Variants in F5 observed in about 807,000 individuals in gnomAD.
The protein encoded by F5 is coagulation factor V, also known as activated protein c cofactor.
In F5, 138 loss-of-function variants were observed where a neutral mutation model predicts 216.4. The observed-to-expected ratio is 0.64, with a 90% CI of 0.56 to 0.73. F5 has a LOEUF of 0.73. Ranked by LOEUF, F5 falls within the 30% of genes least tolerant of loss-of-function variation. The probability of loss-of-function intolerance (pLI) is 0.00; values close to 1 mark genes in which losing one functional copy is unlikely to be tolerated. For missense variants in F5, 2,403 were observed against 2,674.0 expected, an observed-to-expected ratio of 0.90 and a Z score of 2.24; for synonymous variants, 916 against 930.7, an observed-to-expected ratio of 0.98 and a Z score of 0.29.
chr1:169,586,155 CA>C, intron 1 of F5, 73 bp downstream of exon 1: 1 of 1,558,906 alleles, frequency 6.4e-7, no homozygotes, highest in Non-Finnish European at 8.8e-7. Flanking sequence ...CATGACATTG[CA>C]AAGGGAATGT....
chr1:169,531,246 C>T (rs1460164649), intron 14 of F5, among the ~76,000 whole-genome samples: 2 of 147,412 alleles, frequency 1.4e-5, no homozygotes, highest in African/African-American at 5.4e-5. Context: ...TTCTTAGGCT[C>T]AAGGCTAAAG....
At chr1:169,552,777 G>A (rs779512584) in intron 7 of F5, 43 bp from the exon 8 acceptor site, 4 of 1,431,194 alleles carry the variant, frequency 2.8e-6, no homozygotes, top group Non-Finnish European at 2.0e-6. Flanking sequence ...TTCTCAAATA[G>A]AGATCTCGGT....
chr1:169,542,624 A>G lies in F5; in HGVS notation c.2466T>C (p.Ser822=). The change falls in exon 13 of 25, where the codon TCT becomes TCC. Residue 822 remains serine, a synonymous_variant. Transcript: ENST00000367797. ...HLIGKNSVLN[S]STAEHSSPYS... is the part of the protein sequence containing the mutation. ...ATGGGCTGGAATGCTCTGCTGTGGA[A>G]GAATTGAGAACTGAGTTCTTGCCAA... 6.2e-7 allele frequency: 1 copy of G among 1,614,132 alleles called. No individual in the cohort carries two copies. The highest frequency in any genetic ancestry group is 8.5e-7 in the Non-Finnish European group (1 of 1,179,982).
rs1659878911 is a variant in F5 at position 169,542,359 on chromosome 1, G to C, written c.2731C>G (p.Pro911Ala). Reference protein sequence around the residue: ...PSGMRPWEDLPSQDTGSPSRM... With the variant: ...PSGMRPWEDLASQDTGSPSRM... ...GAAGGAGAACCAGTGTCTTGGCTAG[G>C]AAGGTCCTCCCAGGGCCTCATTCCG... The change falls in exon 13 of 25, where the codon CCT (proline) becomes GCT (alanine). Residue 911 changes from proline (P) to alanine (A), a missense_variant. Physicochemically the swap from Pro to Ala is conservative, Grantham distance 27. Transcript: ENST00000367797. 1 of 1,613,566 alleles carries C rather than the reference G, an allele frequency of 6.2e-7. No individual in the cohort carries two copies. The highest frequency in any genetic ancestry group is 8.5e-7 in the Non-Finnish European group (1 of 1,179,660).
At chr1:169,545,349 G>C (rs1659973181) in intron 11 of F5, among the ~76,000 whole-genome samples, 1 of 152,188 alleles carries the variant, frequency 6.6e-6, no homozygotes, top group South Asian at 2.1e-4. Flanking sequence ...GAGATATGCT[G>C]TGAGTATAAA....
chr1:169,536,253 T>C (rs1446435137), intron 14 of F5, among the ~76,000 whole-genome samples: 1 of 152,164 alleles, frequency 6.6e-6, no homozygotes, highest in Non-Finnish European at 1.5e-5. Context: ...ATAGGTTAGC[T>C]TTAGATAGAA....
intron 3 of F5, among the ~76,000 whole-genome samples, chr1:169,569,339 A>C (rs567489580): frequency 6.6e-6 from 1 of 152,128 alleles, no homozygotes; most frequent in African/African-American, 2.4e-5. Flanking sequence ...TTACCAGCAG[A>C]TGGCTATATA....
Position 169,529,812 on chromosome 1 carries a change from C to T in F5, c.5215G>A (p.Asp1739Asn), listed in dbSNP as rs778710537. ...AYYSAVNPEKDIHSGLIGPLL... is the reference protein window; with the variant it reads ...AYYSAVNPEKNIHSGLIGPLL... ...GGACCTATCAAGCCTGAGTGAATAT[C>T]TTTTTCCTGGAAAAACAGAGTAAAT... The change falls in exon 16 of 25, where the codon GAT becomes AAT. Residue 1739 changes from aspartate (D) to asparagine (N), a missense_variant. By Grantham distance (23) the Asp-to-Asn change is conservative (BLOSUM62 1). This residue lies in a region of F5 where 659 missense variants were observed against 787.9 expected (regional missense o/e 0.84). Coordinates refer to ENST00000367797, the MANE Select transcript of F5 (RefSeq NM_000130.5). The T allele has an allele frequency of 1.9e-6, 3 of 1,613,036 alleles. No individual in the cohort carries two copies. The highest frequency in any genetic ancestry group is 2.5e-6 in the Non-Finnish European group (3 of 1,179,420).
chr1:169,571,771 A>G (rs577658591), intron 3 of F5, among the ~76,000 whole-genome samples: 8 of 152,292 alleles, frequency 5.3e-5, no homozygotes, highest in Admixed American at 2.6e-4. Context: ...CTGTAACCAA[A>G]GCCAAAAAAA....
At chr1:169,564,170 G>A (rs901263992) in intron 3 of F5, among the ~76,000 whole-genome samples, 13 of 151,960 alleles carry the variant, frequency 8.6e-5, no homozygotes, top group African/African-American at 1.4e-4. Flanking sequence ...AACGATTACC[G>A]GCCCTGAGTA....
intron 1 of F5, among the ~76,000 whole-genome samples, chr1:169,584,622 G>A (rs9332682): frequency 3.3e-4 from 50 of 152,346 alleles, no homozygotes; most frequent in Non-Finnish European, 6.5e-4. Flanking sequence ...AAAAGATGGA[G>A]TTGGCTATGT....
Position 169,550,713 on chromosome 1 carries a change from G to A in F5, c.1323C>T (p.Arg441=). The A allele has an allele frequency of 1.9e-6, 3 of 1,613,880 alleles. No individual in the cohort carries two copies. Among genetic ancestry groups the A allele is most frequent in the Non-Finnish European group, 2.5e-6 (3 of 1,179,844 alleles). ...LKIVFKNMAS[R]PYSIYPHGVT... ...CTCCATGAGGGTAAATGCTATAGGGGCGGCTGGCCATATTTTTGAACACGA... is the reference window on the plus strand; with the variant it reads ...CTCCATGAGGGTAAATGCTATAGGGACGGCTGGCCATATTTTTGAACACGA... The change falls in exon 9 of 25, where the codon CGC becomes CGT. Residue 441 remains arginine, a synonymous_variant. Coordinates refer to ENST00000367797, the MANE Select transcript of F5 (RefSeq NM_000130.5).
rs149337097 is a variant in F5 at position 169,541,939 on chromosome 1, G to A, written c.3151C>T (p.Leu1051=). The change falls in exon 13 of 25, where the codon CTA becomes TTA. Residue 1051 remains leucine, a synonymous_variant. Coordinates refer to ENST00000367797, the MANE Select transcript of F5 (RefSeq NM_000130.5). The stretch of plus-strand genomic sequence containing the variant: ...AATGTGTTGTAGGCTTCACTTCTTA[G>A]AGGGTGAAAGGTCCTCGGAGATAAA... ...APLSPRTFHP[L]RSEAYNTFSE... is the part of the protein sequence containing the mutation. 1 of 1,614,022 alleles carries A rather than the reference G, an allele frequency of 6.2e-7. No homozygotes were observed. The highest frequency in any genetic ancestry group is 1.3e-5 in the African/African-American group (1 of 74,926).
At chr1:169,520,722 T>G (rs547685540) in intron 21 of F5, 58 bp from the exon 22 acceptor site, 3 of 1,447,178 alleles carry the variant, frequency 2.1e-6, no homozygotes, top group Non-Finnish European at 2.9e-6. Context: ...TGACTTTATA[T>G]TAAAATTTTG....
At chr1:169,545,551 C>T (rs917974537) in intron 11 of F5, among the ~76,000 whole-genome samples, 1 of 152,090 alleles carries the variant, frequency 6.6e-6, no homozygotes, top group Non-Finnish European at 1.5e-5. Flanking sequence ...GTAGCTCATA[C>T]GTAGTTTCTA....
rs754465637 is a variant in F5 at position 169,572,279 on chromosome 1, C to T, written c.315G>A (p.Lys105=). 2.0e-5 allele frequency: 32 copies of T among 1,613,234 alleles called. 2 individuals are homozygous for T. In the South Asian group the frequency reaches 3.4e-4, roughly 17 times the overall value. The part of the protein sequence containing the change: ...GDIIKVHFKN[K]ADKPLSIHPQ... ...GATGGATGCTCAAGGGCTTATCTGCCTTATTTTTAAAGTGAACTTTTATGA... is the reference window on the plus strand; with the variant it reads ...GATGGATGCTCAAGGGCTTATCTGCTTTATTTTTAAAGTGAACTTTTATGA... The change falls in exon 3 of 25, where the codon AAG becomes AAA. Residue 105 remains lysine, a synonymous_variant. Transcript: ENST00000367797.
chr1:169,586,201 G>A (rs968345957), intron 1 of F5, 28 bp downstream of exon 1: 4 of 1,613,436 alleles, frequency 2.5e-6, no homozygotes, highest in Non-Finnish European at 3.4e-6. Flanking sequence ...CTCTAGAGAA[G>A]CCCACCCGGA....
At position 169,529,951 on chromosome 1, in the gene F5, C is replaced by T. The variant is rs546390874; in HGVS notation, c.5209-133G>A. 9.1e-5 allele frequency: 65 copies of T among 716,496 alleles called. 1 individual carries two copies. The East Asian group carries it at 1.1e-3, about 12-fold the overall frequency. The allele number at this position is 716,496 out of a possible 1,614,324, so 44.4% of individuals were successfully genotyped here. A position where few individuals can be genotyped will look rare whatever the true frequency, so the allele number is the denominator to read the frequency against. Reference sequence around the variant, plus strand: ...GAAGATGAAGATTATAAATGAATGGCATAATAAGCCTGGATATTTATCACC... The same window carrying T: ...GAAGATGAAGATTATAAATGAATGGTATAATAAGCCTGGATATTTATCACC... On this transcript the variant is annotated intron_variant, in intron 15 of 24. Transcript: ENST00000367797.
At chr1:169,572,612 G>T (rs9332523) in intron 2 of F5, among the ~76,000 whole-genome samples, 185 of 152,334 alleles carry the variant, frequency 1.2e-3, no homozygotes, top group African/African-American at 4.3e-3. Flanking sequence ...GCCAAGTCTT[G>T]CCCACTTTGA....
Sources: gnomAD v4.1 joint callset for allele counts (sites outside exome capture counted in the v4.1 genomes callset) on GRCh38, gnomAD v4.1.1 for gene constraint, gnomAD v4.1.1 regional missense constraint, MANE v1.5 for transcripts, NCBI Gene and HGNC (gene_info 2026-07-23, HGNC 2026-07-21) for gene names.